SORCS2: variants seen among roughly 807,000 people sequenced by gnomAD.
SORCS2 encodes the protein VPS10 domain-containing receptor SorCS2.
In SORCS2, 100 loss-of-function variants were observed where a neutral mutation model predicts 141.6. The ratio of observed to expected loss-of-function variants is 0.71; its 90% CI spans 0.60 to 0.83. The LOEUF is 0.83. SORCS2 is among the 40% of genes least tolerant of loss of function. The probability of loss-of-function intolerance (pLI) is 0.00; values close to 1 mark genes in which losing one functional copy is unlikely to be tolerated. For missense variants in SORCS2, 1,646 were observed against 1,560.2 expected, an observed-to-expected ratio of 1.05 and a Z score of -0.93; for synonymous variants, 789 against 676.9, an observed-to-expected ratio of 1.17 and a Z score of -2.57.
At chr4:7,278,102 T>C (rs1253797571) in intron 1 of SORCS2, among the ~76,000 whole-genome samples, 1 of 152,122 alleles carries the variant, frequency 6.6e-6, no homozygotes, top group East Asian at 1.9e-4. Flanking sequence ...CAGAGCCAGG[T>C]CCCTATCCCA....
chr4:7,421,695 A>G lies in SORCS2; in HGVS notation c.548+25340A>G, dbSNP rs1229143144. On this transcript the variant is annotated intron_variant, in intron 2 of 26. Transcript: ENST00000507866. ...CCGGGGACAGCGAGTGACTGTGCAC[A>G]GGCTCGGCCCTGGGGTCTGGAGCCC... is the stretch of plus-strand genomic sequence containing the variant. 2.0e-5 allele frequency among the ~76,000 whole-genome samples: 3 copies of G among 152,252 alleles called. No homozygotes were observed. The East Asian group carries it at 5.8e-4, about 29-fold the overall frequency.
In SORCS2 at chr4:7,320,069, G is replaced by A. The variant is rs113048588; in HGVS notation, c.481-76219G>A. Reference sequence around the variant, plus strand: ...TGTAATCCCAGCACTTTGGGAGGCCGAGGAGGGTGTATCCCTTGAGACAAG... The same window carrying A: ...TGTAATCCCAGCACTTTGGGAGGCCAAGGAGGGTGTATCCCTTGAGACAAG... On this transcript the variant is annotated intron_variant, in intron 1 of 26. Transcript: ENST00000507866. Among the ~76,000 whole-genome samples the A allele has an allele frequency of 5.9e-3, 896 of 152,308 alleles. 6 individuals are homozygous for A. The highest frequency in any genetic ancestry group is 0.02 in the African/African-American group (848 of 41,582).
chr4:7,308,848 C>T (rs1290280958), intron 1 of SORCS2, among the ~76,000 whole-genome samples: 1 of 152,168 alleles, frequency 6.6e-6, no homozygotes, highest in East Asian at 1.9e-4. Flanking sequence ...CTTGTGCCTC[C>T]CCAGGATAAA....
At chr4:7,539,415 T>G (rs1358476327) in intron 3 of SORCS2, among the ~76,000 whole-genome samples, 1 of 152,228 alleles carries the variant, frequency 6.6e-6, no homozygotes, top group Non-Finnish European at 1.5e-5. Context: ...GCTGTGCCCA[T>G]GTCCGCTTCC....
At chr4:7,507,685 C>T (rs955010028) in intron 2 of SORCS2, among the ~76,000 whole-genome samples, 8 of 151,994 alleles carry the variant, frequency 5.3e-5, no homozygotes, top group Non-Finnish European at 1.2e-4. Context: ...GAAGGAATCA[C>T]GGGAAAGGTG....
intron 3 of SORCS2, among the ~76,000 whole-genome samples, chr4:7,582,214 G>A (rs574669530): frequency 6.6e-6 from 1 of 152,332 alleles, no homozygotes; most frequent in Admixed American, 6.5e-5. Flanking sequence ...TGAAACTGAA[G>A]CTCAGAGAGG....
chr4:7,366,871 T>A (rs149401393), intron 1 of SORCS2, among the ~76,000 whole-genome samples: 42 of 152,364 alleles, frequency 2.8e-4, no homozygotes, highest in Non-Finnish European at 5.3e-4. Flanking sequence ...GAAGTCCTTG[T>A]TGAATGAAGG....
At chr4:7,730,394 C>A (rs1320416746) in intron 23 of SORCS2, among the ~76,000 whole-genome samples, 1 of 152,142 alleles carries the variant, frequency 6.6e-6, no homozygotes, top group African/African-American at 2.4e-5. Context: ...ACCGCATGAC[C>A]CAGCAAGTCC....
intron 12 of SORCS2, among the ~76,000 whole-genome samples, chr4:7,699,234 C>T (rs2109007092): frequency 6.6e-6 from 1 of 152,280 alleles, no homozygotes; most frequent in African/African-American, 2.4e-5. Flanking sequence ...GCGCAGGAAA[C>T]CACAGGAATG....
intron 3 of SORCS2, among the ~76,000 whole-genome samples, chr4:7,636,229 C>T (rs1180864179): frequency 1.2e-5 from 1 of 80,558 alleles, no homozygotes; most frequent in Non-Finnish European, 3.0e-5. Flanking sequence ...CAAAGGGAGA[C>T]TTCCTTTGGG....
chr4:7,502,115 G>A (rs1206477063), intron 2 of SORCS2, among the ~76,000 whole-genome samples: 1 of 152,238 alleles, frequency 6.6e-6, no homozygotes, highest in African/African-American at 2.4e-5. Flanking sequence ...ACACCCTGGA[G>A]TGGCTGGGGT....
intron 2 of SORCS2, among the ~76,000 whole-genome samples, chr4:7,452,602 G>C (rs2109296883): frequency 6.6e-6 from 1 of 152,366 alleles, no homozygotes; most frequent in South Asian, 2.1e-4. Context: ...TCCTGGACCA[G>C]AGGATCTGGA....
At chr4:7,464,563 A>G (rs139933997) in intron 2 of SORCS2, among the ~76,000 whole-genome samples, 1 of 152,292 alleles carries the variant, frequency 6.6e-6, no homozygotes, top group Non-Finnish European at 1.5e-5. Flanking sequence ...CTATGTGGTT[A>G]GGTTTGTAGT....
chr4:7,453,590 G>C (rs1319249983), intron 2 of SORCS2, among the ~76,000 whole-genome samples: 26 of 142,340 alleles, frequency 1.8e-4, no homozygotes, highest in Non-Finnish European at 1.8e-4. Context: ...GTCAGGCACT[G>C]TGTTGGGGTC....
chr4:7,393,091 G>A (rs1723969447), intron 1 of SORCS2, among the ~76,000 whole-genome samples: 1 of 152,166 alleles, frequency 6.6e-6, no homozygotes, highest in African/African-American at 2.4e-5. Flanking sequence ...GACGTGGGGT[G>A]ATGCGTGCAT....
chr4:7,299,471 A>G (rs989431022), intron 1 of SORCS2, among the ~76,000 whole-genome samples: 1 of 152,232 alleles, frequency 6.6e-6, no homozygotes, highest in Non-Finnish European at 1.5e-5. Context: ...GGCCTGGAAC[A>G]TCAAAGAACA....
intron 1 of SORCS2, among the ~76,000 whole-genome samples, chr4:7,330,732 T>A (rs747930422): frequency 9.2e-5 from 14 of 152,098 alleles, no homozygotes; most frequent in South Asian, 2.1e-4. Context: ...GCAGGATGTC[T>A]ACCTTTGCTC....
intron 1 of SORCS2, among the ~76,000 whole-genome samples, chr4:7,350,088 A>G: frequency 6.6e-6 from 1 of 152,218 alleles, no homozygotes; most frequent in Admixed American, 6.5e-5. Context: ...AGTCTGGCGA[A>G]AAGGGTATTT....
At chr4:7,403,903 C>T (rs1006985263) in intron 2 of SORCS2, among the ~76,000 whole-genome samples, 5 of 143,326 alleles carry the variant, frequency 3.5e-5, no homozygotes, top group African/African-American at 1.0e-4. Context: ...TCCACCCCCC[C>T]GTACCCCATC....
Sources: gnomAD v4.1 joint callset for allele counts (sites outside exome capture counted in the v4.1 genomes callset) on GRCh38, gnomAD v4.1.1 for gene constraint, MANE v1.5 for transcripts, NCBI Gene and HGNC (gene_info 2026-07-23, HGNC 2026-07-21) for gene names.